The following NPL variants were observed in gnomAD, a reference collection of about 807,000 sequenced individuals.
NPL encodes the protein N-acetylneuraminate lyase.
In NPL, 32 loss-of-function variants were observed where a neutral mutation model predicts 41.1. That is an observed-to-expected ratio of 0.78 (90% CI 0.59 to 1.05). NPL has a LOEUF of 1.05. Ranked by LOEUF, NPL falls within the 50% of genes least tolerant of loss-of-function variation. The pLI is 0.00. For synonymous variants in NPL, 128 were observed against 134.9 expected, an observed-to-expected ratio of 0.95 and a Z score of 0.35; for missense variants, 321 against 378.4, an observed-to-expected ratio of 0.85 and a Z score of 1.26.
chr1:182,825,752 C>T, intron 11 of NPL, 29 bp from the exon 12 acceptor site: 1 of 1,389,916 alleles, frequency 7.2e-7, no homozygotes, highest in Non-Finnish European at 1.0e-6. Flanking sequence ...TTCAATAATA[C>T]TAACTATAGA....
At chr1:182,806,305 A>G in intron 5 of NPL, 73 bp downstream of exon 5, 4 of 1,600,026 alleles carry the variant, frequency 2.5e-6, no homozygotes, top group Non-Finnish European at 3.4e-6. Context: ...CCCAGAGGAT[A>G]CGCCCTCCCT....
chr1:182,791,621 T>A (rs1666519167), intron 1 of NPL, among the ~76,000 whole-genome samples: 1 of 152,238 alleles, frequency 6.6e-6, no homozygotes, highest in Non-Finnish European at 1.5e-5. Context: ...ATTTTTGAAC[T>A]AATCAAACTA....
chr1:182,796,067 G>A (rs548060575), intron 3 of NPL, among the ~76,000 whole-genome samples: 76 of 145,194 alleles, frequency 5.2e-4, no homozygotes, highest in Admixed American at 8.6e-4. Flanking sequence ...ATCTTTTTCC[G>A]TTTCCCAAAA....
intron 8 of NPL, among the ~76,000 whole-genome samples, chr1:182,817,390 C>T (rs1163428324): frequency 6.6e-6 from 1 of 152,234 alleles, no homozygotes; most frequent in Non-Finnish European, 1.5e-5. Context: ...CTATTCTCTA[C>T]TCTCATACTT....
intron 12 of NPL, 142 bp downstream of exon 12, chr1:182,825,962 G>T: frequency 2.6e-6 from 2 of 772,612 alleles, no homozygotes; most frequent in Non-Finnish European, 4.6e-6. Flanking sequence ...ATTAACCCTC[G>T]GGGCCAACCA....
chr1:182,821,205 T>C (rs1159607509), intron 10 of NPL, among the ~76,000 whole-genome samples: 4 of 152,232 alleles, frequency 2.6e-5, no homozygotes, highest in African/African-American at 9.6e-5. Context: ...TTTCTGTTAG[T>C]GGTACATCAA....
rs140855488 is a variant in NPL, at chr1:182,815,020, C to T, written c.364+162C>T. 3.9e-5 allele frequency among the ~76,000 whole-genome samples: 6 copies of T among 152,284 alleles called. No individual in the cohort carries two copies. In the East Asian group the frequency reaches 1.2e-3, roughly 29 times the overall value. ...TCTGAAATATTTGCTCTCCCTGGAT[C>T]CATAAAAGAGACTGCATTAAAGTAC... On this transcript the variant is annotated intron_variant, in intron 7 of 12. Transcript: ENST00000367553.
chr1:182,810,806 C>G (rs1478279751), intron 5 of NPL, among the ~76,000 whole-genome samples: 3 of 151,986 alleles, frequency 2.0e-5, no homozygotes, highest in Non-Finnish European at 4.4e-5. Context: ...CCTGCATGAA[C>G]TCACATAATC....
Position 182,811,637 on chromosome 1 carries a change from G to A in NPL, c.231-519G>A, listed in dbSNP as rs769350143. Among the ~76,000 whole-genome samples, 7 of 152,020 alleles carry A rather than the reference G, an allele frequency of 4.6e-5. No homozygotes were observed. The East Asian group carries it at 5.8e-4, about 13-fold the overall frequency. ...GACTCCAATTTAAGATAATGGGCTC[G>A]GACTAAATTATCTTTGTGATCCTCT... On this transcript the variant is annotated intron_variant, in intron 5 of 12. Coordinates refer to ENST00000367553, the MANE Select transcript of NPL (RefSeq NM_030769.3).
chr1:182,794,571 C>A, intron 3 of NPL, 132 bp downstream of exon 3: 1 of 853,260 alleles, frequency 1.2e-6, no homozygotes, highest in Non-Finnish European at 2.0e-6. Context: ...TTCTGTCTGT[C>A]ATCCCTCTGC....
chr1:182,802,951 T>C (rs1259325732), intron 3 of NPL, among the ~76,000 whole-genome samples: 2 of 152,254 alleles, frequency 1.3e-5, no homozygotes, highest in African/African-American at 4.8e-5. Context: ...CTGATGCTGC[T>C]GTTCCGCCTT....
At chr1:182,823,466 A>G (rs1667543942) in intron 11 of NPL, among the ~76,000 whole-genome samples, 1 of 152,222 alleles carries the variant, frequency 6.6e-6, no homozygotes, top group South Asian at 2.1e-4. Context: ...CATATGTAAT[A>G]TTCGCCTTTG....
chr1:182,819,616 A>G (rs1557951766), intron 10 of NPL, among the ~76,000 whole-genome samples: 4 of 152,164 alleles, frequency 2.6e-5, no homozygotes, highest in Non-Finnish European at 4.4e-5. Flanking sequence ...ATCTCAAAAA[A>G]AAAAAGAAAA....
At chr1:182,822,047 G>A in intron 10 of NPL, 68 bp from the exon 11 acceptor site, 2 of 1,028,352 alleles carry the variant, frequency 1.9e-6, no homozygotes, top group Non-Finnish European at 3.1e-6. Flanking sequence ...AAACAGCAGA[G>A]GGATTTGAAG....
chr1:182,812,429 A>T (rs1420555061), intron 6 of NPL, among the ~76,000 whole-genome samples: 2 of 152,160 alleles, frequency 1.3e-5, no homozygotes, highest in African/African-American at 4.8e-5. Context: ...AGATGGAAGC[A>T]CCTTCCTCCA....
rs1667243928 is a variant in NPL, at chr1:182,813,720, GATA to G, written c.289-1058_289-1056del. Among the ~76,000 whole-genome samples, 7 of 152,330 alleles carry G rather than the reference GATA, an allele frequency of 4.6e-5. 1 individual carries two copies. The South Asian group carries it at 1.4e-3, about 32-fold the overall frequency. On this transcript the variant is annotated intron_variant, in intron 6 of 12. Coordinates refer to ENST00000367553, the MANE Select transcript of NPL (RefSeq NM_030769.3). Reference sequence around the variant, plus strand: ...GGTATAGGGGTAGTCTTGCCAAAGAGATAATAACATCGGTATCTGCTTAGCCAT... The same window carrying G: ...GGTATAGGGGTAGTCTTGCCAAAGAGATAACATCGGTATCTGCTTAGCCAT...
At chr1:182,824,672 C>T (rs1489127212) in intron 11 of NPL, among the ~76,000 whole-genome samples, 3 of 152,070 alleles carry the variant, frequency 2.0e-5, no homozygotes, top group African/African-American at 7.2e-5. Flanking sequence ...TGGCGGGCGC[C>T]TGTAGTCCCA....
At position 182,829,717 on chromosome 1, in the gene NPL, A is replaced by T. The variant is rs1443154765; in HGVS notation, c.*809A>T. 7.7e-7 allele frequency: 1 copy of T among 1,297,196 alleles called. No individual in the cohort carries two copies. Among genetic ancestry groups the T allele is most frequent in the Non-Finnish European group, 1.1e-6 (1 of 917,148 alleles). The allele number at this position is 1,297,196 out of a possible 1,614,324, so 80.4% of individuals were successfully genotyped here. ...TCCCGCAGGACCCTGAATTATTGAA[A>T]TCGAAGGCTGACTTCCTTTCTGCAG... On this transcript the variant is annotated 3_prime_UTR_variant, in exon 13 of 13. Transcript: ENST00000367553.
At chr1:182,819,361 G>A (rs965918782) in intron 10 of NPL, among the ~76,000 whole-genome samples, 5 of 151,532 alleles carry the variant, frequency 3.3e-5, no homozygotes, top group Admixed American at 6.6e-5. Flanking sequence ...CAGGAGAATC[G>A]CTTGAAACCG....
Sources: gnomAD v4.1 joint callset for allele counts (sites outside exome capture counted in the v4.1 genomes callset) on GRCh38, gnomAD v4.1.1 for gene constraint, MANE v1.5 for transcripts, NCBI Gene and HGNC (gene_info 2026-07-23, HGNC 2026-07-21) for gene names.